The following SPAG1 variants were observed in gnomAD, a reference collection of about 807,000 sequenced individuals.
The protein encoded by SPAG1 is sperm-associated antigen 1.
SPAG1 carries 69 observed loss-of-function variants against 100.5 expected under a neutral mutation model. The ratio of observed to expected loss-of-function variants is 0.69; its 90% CI spans 0.57 to 0.84. The LOEUF (loss-of-function observed/expected upper bound fraction) is 0.84. Among genes scored for constraint, SPAG1 ranks in the 40% least tolerant of loss-of-function variants. SPAG1 has a pLI of 0.00. For synonymous variants in SPAG1, 336 were observed against 411.6 expected (o/e 0.82, Z 2.22); for missense variants, 955 against 1,133.1 (o/e 0.84, Z 2.26).
chr8:100,197,989 C>G (rs1309278808), intron 10 of SPAG1, among the ~76,000 whole-genome samples: 1 of 152,166 alleles, frequency 6.6e-6, no homozygotes, highest in East Asian at 1.9e-4. Context: ...ATCTGTTTGC[C>G]TTCTCTAGTA....
chr8:100,231,435 A>T, intron 15 of SPAG1, 147 bp downstream of exon 15: 1 of 533,778 alleles, frequency 1.9e-6, no homozygotes, highest in Non-Finnish European at 3.2e-6. Context: ...GTCCTAACCA[A>T]GTGTGTCTGA....
At chr8:100,228,767 T>C (rs1818631628) in intron 14 of SPAG1, among the ~76,000 whole-genome samples, 1 of 152,108 alleles carries the variant, frequency 6.6e-6, no homozygotes, top group Admixed American at 6.5e-5. Context: ...GATTTTAAGA[T>C]TACAAAATTT....
chr8:100,234,099 C>T (rs1249713010), intron 16 of SPAG1, among the ~76,000 whole-genome samples: 1 of 152,168 alleles, frequency 6.6e-6, no homozygotes, highest in Non-Finnish European at 1.5e-5. Flanking sequence ...CACTTTTCTT[C>T]ACACAGATTC....
At chr8:100,172,006 C>T (rs775661011) in intron 3 of SPAG1, among the ~76,000 whole-genome samples, 2 of 151,938 alleles carry the variant, frequency 1.3e-5, no homozygotes, top group Admixed American at 6.6e-5. Flanking sequence ...GTGATTCTCC[C>T]GCCTCAGCCT....
chr8:100,194,463 A>T (rs1033412404), intron 10 of SPAG1, 195 bp downstream of exon 10: 2 of 709,684 alleles, frequency 2.8e-6, no homozygotes, highest in African/African-American at 3.6e-5. Flanking sequence ...TTTCCTTCTT[A>T]ACCTGTCACC....
At chr8:100,215,774 TCGG>T (rs895270671) in intron 12 of SPAG1, among the ~76,000 whole-genome samples, 3 of 152,230 alleles carry the variant, frequency 2.0e-5, no homozygotes, top group African/African-American at 7.2e-5. Flanking sequence ...TCCACCCGCC[TCGG>T]CCTCCCAAAG....
intron 8 of SPAG1, 66 bp downstream of exon 8, chr8:100,187,316 T>C: frequency 3.1e-6 from 4 of 1,308,090 alleles, no homozygotes; most frequent in Non-Finnish European, 4.2e-6. Flanking sequence ...CATTTGTAGA[T>C]ACTTGTAATG....
At chr8:100,160,610 G>C in intron 1 of SPAG1, among the ~76,000 whole-genome samples, 1 of 132,950 alleles carries the variant, frequency 7.5e-6, no homozygotes, top group Admixed American at 8.5e-5. Context: ...CTGGGTGACA[G>C]AGCAAGACTC....
intron 2 of SPAG1, 76 bp downstream of exon 2, chr8:100,162,496 G>A: frequency 3.4e-6 from 4 of 1,184,168 alleles, no homozygotes; most frequent in Non-Finnish European, 4.7e-6. Flanking sequence ...AAAGGTAAAA[G>A]CTACATTAGA....
intron 14 of SPAG1, among the ~76,000 whole-genome samples, chr8:100,229,301 T>G (rs1443797043): frequency 6.6e-6 from 1 of 152,152 alleles, no homozygotes; most frequent in Non-Finnish European, 1.5e-5. Context: ...GTGCCTATAG[T>G]CCCAGCTACA....
At chr8:100,204,956 C>T (rs912079035) in intron 10 of SPAG1, among the ~76,000 whole-genome samples, 1 of 152,156 alleles carries the variant, frequency 6.6e-6, no homozygotes, top group Admixed American at 6.6e-5. Flanking sequence ...AGAGGCAAAG[C>T]AGCAATCAGA....
chr8:100,196,803 T>C lies in SPAG1; in HGVS notation c.1096+2535T>C, dbSNP rs528451759. On this transcript the variant is annotated intron_variant, in intron 10 of 18. Coordinates refer to ENST00000388798, the MANE Select transcript of SPAG1 (RefSeq NM_003114.5). ...CTTGTAAGTTTTTCTTTTTCAGAGA[T>C]AGGGTCTTGCTCTGTTGTTCGGGCT... Among the ~76,000 whole-genome samples, 19 of 152,248 alleles carry C rather than the reference T, an allele frequency of 1.2e-4. No homozygotes were observed. In the East Asian group the frequency reaches 2.9e-3, roughly 23 times the overall value.
chr8:100,214,784 G>A (rs372792056), intron 12 of SPAG1, among the ~76,000 whole-genome samples: 7 of 151,682 alleles, frequency 4.6e-5, no homozygotes, highest in Admixed American at 2.0e-4. Flanking sequence ...GTTTGAGACC[G>A]TCCTGGCCAA....
chr8:100,232,081 G>A (rs143480927), intron 15 of SPAG1, among the ~76,000 whole-genome samples: 127 of 152,238 alleles, frequency 8.3e-4, no homozygotes, highest in Non-Finnish European at 1.4e-3. Context: ...CTCAGGTACC[G>A]TCTTTACCAC....
intron 3 of SPAG1, among the ~76,000 whole-genome samples, chr8:100,170,820 TATTTA>T (rs1815786748): frequency 6.7e-6 from 1 of 148,248 alleles, no homozygotes; most frequent in Non-Finnish European, 1.5e-5. Context: ...TTTATTTATT[TATTTA>T]TTTATTTATT....
At chr8:100,211,673 A>C (rs984521019) in intron 10 of SPAG1, among the ~76,000 whole-genome samples, 1 of 152,212 alleles carries the variant, frequency 6.6e-6, no homozygotes, top group African/African-American at 2.4e-5. Flanking sequence ...AATACAAACA[A>C]ATAATAAAAA....
At chr8:100,203,275 C>T (rs974424723) in intron 10 of SPAG1, among the ~76,000 whole-genome samples, 1 of 152,132 alleles carries the variant, frequency 6.6e-6, no homozygotes, top group Non-Finnish European at 1.5e-5. Flanking sequence ...CTCAAGCTTG[C>T]AGACAGCCTA....
At chr8:100,214,359 C>CAAGG (rs1334910270) in intron 12 of SPAG1, among the ~76,000 whole-genome samples, 1 of 152,250 alleles carries the variant, frequency 6.6e-6, no homozygotes, top group African/African-American at 2.4e-5. Context: ...TACTGGACCA[C>CAAGG]TTGCTTACTC....
At chr8:100,207,682 C>T (rs1476282490) in intron 10 of SPAG1, among the ~76,000 whole-genome samples, 1 of 152,164 alleles carries the variant, frequency 6.6e-6, no homozygotes, top group African/African-American at 2.4e-5. Context: ...ATGCTTCTGC[C>T]AGGACTACCA....
Sources: allele counts gnomAD v4.1 joint callset (sites outside exome capture counted in the v4.1 genomes callset), GRCh38; gene constraint gnomAD v4.1.1; transcripts MANE v1.5; gene names NCBI Gene and HGNC (gene_info 2026-07-23, HGNC 2026-07-21).